The following OPN4 variants were observed in gnomAD, a reference collection of about 807,000 sequenced individuals.
The protein encoded by OPN4 is opsin 4, also known as melanopsin.
In OPN4, 43 loss-of-function variants were observed where a neutral mutation model predicts 49.5. That is an observed-to-expected ratio of 0.87 (90% CI 0.68 to 1.12). OPN4 has a LOEUF of 1.12. Ranked by LOEUF, OPN4 falls within the 50% of genes most tolerant of loss-of-function variation. The probability of loss-of-function intolerance (pLI) is 0.00; values close to 1 mark genes in which losing one functional copy is unlikely to be tolerated. For missense variants in OPN4, 657 were observed against 643.9 expected (o/e 1.02, Z -0.22); for synonymous variants, 263 against 258.0 (o/e 1.02, Z -0.19).
At chr10:86,661,411 C>T (rs1844004394) in intron 7 of OPN4, 23 bp downstream of exon 7, 1 of 1,584,224 alleles carries the variant, frequency 6.3e-7, no homozygotes, top group Admixed American at 1.7e-5. Flanking sequence ...TCCAGAACCC[C>T]ACACCTTGGC....
intron 2 of OPN4, among the ~76,000 whole-genome samples, chr10:86,657,391 G>A (rs1002407576): frequency 2.0e-5 from 3 of 152,192 alleles, no homozygotes; most frequent in Admixed American, 1.3e-4. Flanking sequence ...GCCGAGGCTG[G>A]TGAAAGTGCC....
chr10:86,659,066 A>C (rs1050599066), intron 4 of OPN4, among the ~76,000 whole-genome samples: 2 of 152,220 alleles, frequency 1.3e-5, no homozygotes, highest in Non-Finnish European at 2.9e-5. Context: ...AAGCCCTGGC[A>C]AGCAAAACCT....
intron 7 of OPN4, 149 bp from the exon 8 acceptor site, chr10:86,662,103 C>A: frequency 1.6e-6 from 1 of 637,520 alleles, no homozygotes; most frequent in Non-Finnish European, 2.7e-6. Context: ...TCCTCATCAC[C>A]TGCCATGGTT....
rs36064638 is a variant in OPN4, at chr10:86,664,503, G to T, written c.1398+701G>T. On this transcript the variant is annotated intron_variant, in intron 9 of 9. Transcript: ENST00000241891. ...CATATTCTGGAACACTGGAAATGTC[G>T]TGTGCACAGGCTCCCAAGCAGCCCT... is the stretch of plus-strand genomic sequence containing the variant. Among the ~76,000 whole-genome samples, 1,331 of 152,216 alleles carry T rather than the reference G, an allele frequency of 8.7e-3. 29 individuals carry two copies. Among genetic ancestry groups the T allele is most frequent in the African/African-American group, 0.031 (1,271 of 41,514 alleles).
Position 86,654,809 on chromosome 10 carries a change from T to TGCCA in OPN4, c.26_27insGCCA (p.Ser12AlafsTer54). 1.3e-6 allele frequency: 2 copies of TGCCA among 1,554,782 alleles called. No homozygotes were observed. Among genetic ancestry groups the TGCCA allele is most frequent in the Non-Finnish European group, 1.8e-6 (2 of 1,128,728 alleles). On this transcript the variant is annotated frameshift_variant, in exon 1 of 10. Transcript: ENST00000241891. LOFTEE classifies it high-confidence loss of function. ...ATGAACCCTCCTTCGGGGCCAAGAGTCCCGCCCAGCCCAACCCAAGAGCCC... is the reference window on the plus strand; with the variant it reads ...ATGAACCCTCCTTCGGGGCCAAGAGTGCCACCCGCCCAGCCCAACCCAAGAGCCC...
Position 86,654,935 on chromosome 10 carries a change from T to C in OPN4, c.144+8T>C. On this transcript the variant is annotated splice_region_variant and intron_variant, in intron 1 of 9. Transcript: ENST00000241891. ...CCATCCATCAGTCCCACAGTAAGCCTGGGCGAGCATGTGCATGCACAGAGC... is the reference window on the plus strand; with the variant it reads ...CCATCCATCAGTCCCACAGTAAGCCCGGGCGAGCATGTGCATGCACAGAGC... The C allele has an allele frequency of 6.2e-7, 1 of 1,612,408 alleles. No homozygotes were observed. Among genetic ancestry groups the C allele is most frequent in the South Asian group, 1.1e-5 (1 of 91,018 alleles).
chr10:86,665,591 C>A (rs1244243426), intron 9 of OPN4, 122 bp from the exon 10 acceptor site: 8 of 781,982 alleles, frequency 1.0e-5, no homozygotes, highest in Non-Finnish European at 1.8e-5. Flanking sequence ...ACCCAGGACA[C>A]AACCTGGCCC....
Position 86,665,797 on chromosome 10 carries a change from C to CA in OPN4, c.*46_*47insA. ...TTCTTCTGAGACACATCCAGCCCCC[C>CA]CACGTCTCCCTCATATACACAGACC... On this transcript the variant is annotated 3_prime_UTR_variant, in exon 10 of 10. Coordinates refer to ENST00000241891, the MANE Select transcript of OPN4 (RefSeq NM_033282.4). 6.8e-7 allele frequency: 1 copy of CA among 1,470,202 alleles called. No homozygotes were observed. Among genetic ancestry groups the CA allele is most frequent in the Non-Finnish European group, 9.5e-7 (1 of 1,051,434 alleles). The allele number at this position is 1,470,202 out of a possible 1,614,324, so 91.1% of individuals were successfully genotyped here.
chr10:86,655,867 T>C (rs896321627), intron 1 of OPN4, among the ~76,000 whole-genome samples: 1 of 152,178 alleles, frequency 6.6e-6, no homozygotes, highest in Non-Finnish European at 1.5e-5. Context: ...GCCATGTCCC[T>C]GCTTGCCAGT....
chr10:86,665,218 A>G (rs947359418), intron 9 of OPN4, among the ~76,000 whole-genome samples: 161 of 152,066 alleles, frequency 1.1e-3, no homozygotes, highest in African/African-American at 3.7e-3. Context: ...AGGGAAGAGG[A>G]GGCGGAGGTG....
rs559660539 is a variant in OPN4 at position 86,663,906 on chromosome 10, G to A, written c.1398+104G>A. The A allele has an allele frequency of 1.0e-5, 14 of 1,359,904 alleles. No individual in the cohort carries two copies. The East Asian group carries it at 1.0e-4, about 10-fold the overall frequency. The allele number at this position is 1,359,904 out of a possible 1,614,324, so 84.2% of individuals were successfully genotyped here. On this transcript the variant is annotated intron_variant, in intron 9 of 9. Coordinates refer to ENST00000241891, the MANE Select transcript of OPN4 (RefSeq NM_033282.4). ...GAGACTTGTTCTCATGGGCAGGGGCGATATCCTCCAGGAATCACCTGCTCC... is the reference window on the plus strand; with the variant it reads ...GAGACTTGTTCTCATGGGCAGGGGCAATATCCTCCAGGAATCACCTGCTCC...
At chr10:86,663,535 G>T in intron 8 of OPN4, 124 bp from the exon 9 acceptor site, 1 of 854,012 alleles carries the variant, frequency 1.2e-6, no homozygotes, top group Non-Finnish European at 1.7e-6. Context: ...GGTGCAAATG[G>T]TGTCAGGGGC....
At position 86,662,275 on chromosome 10, in the gene OPN4, C is replaced by T. The variant is rs1844027227; in HGVS notation, c.1097C>T (p.Pro366Leu). The change falls in exon 8 of 10, where the codon CCC becomes CTC. Residue 366 changes from proline (P) to leucine (L), a missense_variant. By Grantham distance (98) the Pro-to-Leu change is moderately conservative. Coordinates refer to ENST00000241891, the MANE Select transcript of OPN4 (RefSeq NM_033282.4). ...AGGGTGGCCATTGCCCAGCACCTGC[C>T]CTGCCTGGGGGTGCTGCTGGGTGTA... ...KYRVAIAQHL[P>L]CLGVLLGVSR... The T allele has an allele frequency of 3.7e-6, 6 of 1,609,804 alleles. No individual in the cohort carries two copies. The highest frequency in any genetic ancestry group is 5.1e-6 in the Non-Finnish European group (6 of 1,179,528).
chr10:86,658,009 C>T, intron 2 of OPN4, 23 bp from the exon 3 acceptor site: 1 of 1,608,362 alleles, frequency 6.2e-7, no homozygotes, highest in Non-Finnish European at 8.5e-7. Context: ...GAAGCGCCTC[C>T]TAACAGCTTC....
In OPN4 at chr10:86,665,791, G is replaced by A; in HGVS notation, c.*40G>A. On this transcript the variant is annotated 3_prime_UTR_variant, in exon 10 of 10. Transcript: ENST00000241891. ...CTCCCTTTCTTCTGAGACACATCCAGCCCCCCCACGTCTCCCTCATATACA... is the reference window on the plus strand; with the variant it reads ...CTCCCTTTCTTCTGAGACACATCCAACCCCCCCACGTCTCCCTCATATACA... 2 of 1,525,380 alleles carry A rather than the reference G, an allele frequency of 1.3e-6. No individual in the cohort carries two copies. The highest frequency in any genetic ancestry group is 1.8e-6 in the Non-Finnish European group (2 of 1,101,180). The allele number at this position is 1,525,380 out of a possible 1,614,324, so 94.5% of individuals were successfully genotyped here.
At chr10:86,657,374 G>T in intron 2 of OPN4, 1 of 643,516 alleles carries the variant, frequency 1.6e-6, no homozygotes, top group South Asian at 1.8e-5. Flanking sequence ...GATGGATGAT[G>T]ACAGGAGCCG....
At chr10:86,660,937 G>A (rs905836624) in intron 6 of OPN4, among the ~76,000 whole-genome samples, 5 of 152,160 alleles carry the variant, frequency 3.3e-5, no homozygotes, top group African/African-American at 1.2e-4. Context: ...GATTAGCCTG[G>A]CCAAAATGGT....
chr10:86,661,539 G>T, intron 7 of OPN4, 151 bp downstream of exon 7: 1 of 631,380 alleles, frequency 1.6e-6, no homozygotes, highest in African/African-American at 1.8e-5. Flanking sequence ...GTGGGGTCTG[G>T]AGTTGGTGTG....
rs984094632 is a variant in OPN4, at chr10:86,663,720, C to T, written c.1316C>T (p.Ser439Phe). 1.3e-6 allele frequency: 2 copies of T among 1,579,394 alleles called. No homozygotes were observed. Among genetic ancestry groups the T allele is most frequent in the Non-Finnish European group, 1.7e-6 (2 of 1,163,088 alleles). ...WGAAQQANGR[S>F]LYGQGLEDLE... ...GCTGCCCAGCAAGCAAATGGGCGGT[C>T]CCTCTACGGTCAGGGTCTGGAGGAC... The change falls in exon 9 of 10, where the codon TCC becomes TTC. Residue 439 changes from serine (S) to phenylalanine (F), a missense_variant. Physicochemically the swap from Ser to Phe is radical, Grantham distance 155. Transcript: ENST00000241891.
Sources: gnomAD v4.1 joint callset for allele counts (sites outside exome capture counted in the v4.1 genomes callset) on GRCh38, gnomAD v4.1.1 for gene constraint, MANE v1.5 for transcripts, NCBI Gene and HGNC (gene_info 2026-07-23, HGNC 2026-07-21) for gene names.